LRRTM4: variants seen among roughly 807,000 people sequenced by gnomAD.
LRRTM4 encodes the protein leucine-rich repeat transmembrane neuronal protein 4.
In LRRTM4, 25 loss-of-function variants were observed where a neutral mutation model predicts 47.6. That is an observed-to-expected ratio of 0.53 (90% CI 0.38 to 0.73). The LOEUF (loss-of-function observed/expected upper bound fraction) is 0.73. LRRTM4 is among the 30% of genes least tolerant of loss of function. The pLI is 0.00. For synonymous variants in LRRTM4, 311 were observed against 269.5 expected (o/e 1.15, Z -1.51); for missense variants, 638 against 713.4 (o/e 0.89, Z 1.20).
At chr2:76,940,528 C>T (rs113907880) in intron 3 of LRRTM4, among the ~76,000 whole-genome samples, 2,032 of 152,192 alleles carry the variant, frequency 0.013, 47 homozygotes, top group African/African-American at 0.047. Context: ...GGAAAAATAA[C>T]GAATGGGTAC....
chr2:76,977,008 G>T (rs1392734297), intron 3 of LRRTM4, among the ~76,000 whole-genome samples: 1 of 150,944 alleles, frequency 6.6e-6, no homozygotes, highest in Non-Finnish European at 1.5e-5. Context: ...GCATTAATAG[G>T]CTGTGTGTGT....
At chr2:76,864,891 GTTT>G (rs11347923) in intron 3 of LRRTM4, among the ~76,000 whole-genome samples, 1 of 138,560 alleles carries the variant, frequency 7.2e-6, no homozygotes, top group African/African-American at 2.7e-5. Context: ...CACTTCAGCT[GTTT>G]TTTTTTTTTT....
At chr2:77,461,507 C>A (rs1676788148) in intron 3 of LRRTM4, among the ~76,000 whole-genome samples, 1 of 152,058 alleles carries the variant, frequency 6.6e-6, no homozygotes, top group Admixed American at 6.6e-5. Flanking sequence ...CCATTCCCTA[C>A]CTCTAATTAC....
At chr2:77,220,225 C>A (rs921474432) in intron 3 of LRRTM4, among the ~76,000 whole-genome samples, 13 of 152,100 alleles carry the variant, frequency 8.5e-5, no homozygotes, top group Admixed American at 2.6e-4. Context: ...TCATCAAAGA[C>A]CAAAGGTAGA....
At chr2:77,138,267 A>G (rs1672008298) in intron 3 of LRRTM4, among the ~76,000 whole-genome samples, 1 of 152,188 alleles carries the variant, frequency 6.6e-6, no homozygotes, top group African/African-American at 2.4e-5. Flanking sequence ...ATTATAACAA[A>G]CTGTCTCTCA....
chr2:76,954,364 A>C (rs941601526), intron 3 of LRRTM4, among the ~76,000 whole-genome samples: 1 of 151,900 alleles, frequency 6.6e-6, no homozygotes, highest in Non-Finnish European at 1.5e-5. Flanking sequence ...ATAACAAAGC[A>C]ACCAACAAAA....
intron 3 of LRRTM4, among the ~76,000 whole-genome samples, chr2:77,026,505 A>G (rs1031920577): frequency 2.6e-5 from 4 of 152,150 alleles, no homozygotes; most frequent in African/African-American, 9.6e-5. Context: ...AGTTTTATTA[A>G]CATTTTAAAT....
At chr2:77,508,312 C>T (rs1044833595) in intron 3 of LRRTM4, among the ~76,000 whole-genome samples, 10 of 152,158 alleles carry the variant, frequency 6.6e-5, no homozygotes, top group Admixed American at 5.9e-4. Flanking sequence ...CTTGGAGATC[C>T]AAAACATCCC....
chr2:77,116,855 ATGT>A (rs1422495079), intron 3 of LRRTM4, among the ~76,000 whole-genome samples: 8 of 152,138 alleles, frequency 5.3e-5, no homozygotes, highest in Non-Finnish European at 8.8e-5. Flanking sequence ...CAACTCAATG[ATGT>A]TGTAGTAAAT....
intron 3 of LRRTM4, among the ~76,000 whole-genome samples, chr2:76,825,576 A>T (rs1393935700): frequency 6.6e-6 from 1 of 151,754 alleles, no homozygotes; most frequent in African/African-American, 2.4e-5. Context: ...CAAGTAAAAA[A>T]GTCCATTTTG....
chr2:77,102,426 C>A (rs184939091), intron 3 of LRRTM4, among the ~76,000 whole-genome samples: 2 of 152,292 alleles, frequency 1.3e-5, no homozygotes, highest in Admixed American at 1.3e-4. Flanking sequence ...AGTTCTTTTT[C>A]TGCTCTTTCA....
intron 3 of LRRTM4, among the ~76,000 whole-genome samples, chr2:76,917,095 G>A (rs1674277748): frequency 6.6e-6 from 1 of 152,074 alleles, no homozygotes; most frequent in Admixed American, 6.6e-5. Flanking sequence ...TTCTGCAAAG[G>A]GCCAGGAAGT....
Position 77,273,242 on chromosome 2 carries a change from C to A in LRRTM4, c.1551+245076G>T, listed in dbSNP as rs554757792. On this transcript the variant is annotated intron_variant, in intron 3 of 3. Coordinates refer to ENST00000409884, the MANE Select transcript of LRRTM4 (RefSeq NM_001134745.3). ...TAATGGATGTGTTAAATAGATAATG[C>A]TATTAATGGGAAAAAATGCATAAAT... is the stretch of plus-strand genomic sequence containing the variant. 7.2e-4 allele frequency among the ~76,000 whole-genome samples: 109 copies of A among 152,084 alleles called. 3 individuals are homozygous for A. The highest frequency in any genetic ancestry group is 5.6e-3 in the Admixed American group (85 of 15,276).
At chr2:77,285,124 T>C (rs2104110323) in intron 3 of LRRTM4, among the ~76,000 whole-genome samples, 1 of 151,906 alleles carries the variant, frequency 6.6e-6, no homozygotes, top group African/African-American at 2.4e-5. Flanking sequence ...AAAACTTTAT[T>C]CTAATAACAT....
At chr2:77,112,715 CA>C (rs1299166241) in intron 3 of LRRTM4, among the ~76,000 whole-genome samples, 1 of 151,832 alleles carries the variant, frequency 6.6e-6, no homozygotes, top group East Asian at 1.9e-4. Flanking sequence ...ATCATCCTAC[CA>C]AAGTACCTTG....
intron 3 of LRRTM4, among the ~76,000 whole-genome samples, chr2:77,224,530 C>A (rs377634950): frequency 6.6e-6 from 1 of 152,124 alleles, no homozygotes; most frequent in South Asian, 2.1e-4. Context: ...AAACAAACAA[C>A]CCCATCAAAA....
intron 3 of LRRTM4, among the ~76,000 whole-genome samples, chr2:77,231,298 T>C (rs1351563572): frequency 1.3e-5 from 2 of 151,822 alleles, no homozygotes; most frequent in African/African-American, 2.4e-5. Context: ...GGCAATATGA[T>C]CCACTGAGCT....
chr2:77,135,274 G>C (rs1031475453), intron 3 of LRRTM4, among the ~76,000 whole-genome samples: 1 of 152,314 alleles, frequency 6.6e-6, no homozygotes, highest in Admixed American at 6.5e-5. Flanking sequence ...AGACTCACGT[G>C]TTCCTTCTCA....
At chr2:77,473,067 T>C (rs1677252066) in intron 3 of LRRTM4, among the ~76,000 whole-genome samples, 1 of 152,078 alleles carries the variant, frequency 6.6e-6, no homozygotes, top group African/African-American at 2.4e-5. Context: ...ATCAAGGAAC[T>C]AGAGTCAGAA....
Sources: gnomAD v4.1 joint callset for allele counts (sites outside exome capture counted in the v4.1 genomes callset) on GRCh38, gnomAD v4.1.1 for gene constraint, MANE v1.5 for transcripts, NCBI Gene and HGNC (gene_info 2026-07-23, HGNC 2026-07-21) for gene names.